The following HSPA12A variants were observed in gnomAD, a reference collection of about 807,000 sequenced individuals.
The protein encoded by HSPA12A is heat shock 70 kDa protein 12A.
In HSPA12A, 28 loss-of-function variants were observed where a neutral mutation model predicts 69.2. The ratio of observed to expected loss-of-function variants is 0.40; its 90% CI spans 0.30 to 0.55. The LOEUF (loss-of-function observed/expected upper bound fraction) is 0.55, where lower values mean the gene tolerates loss of function less well. Among genes scored for constraint, HSPA12A ranks in the 20% least tolerant of loss-of-function variants. The pLI is 0.38. For missense variants in HSPA12A, 686 were observed against 900.7 expected (o/e 0.76, Z 3.05); for synonymous variants, 345 against 370.5 (o/e 0.93, Z 0.79).
At chr10:116,726,899 G>A (rs1474983689) in intron 1 of HSPA12A, among the ~76,000 whole-genome samples, 3 of 152,142 alleles carry the variant, frequency 2.0e-5, no homozygotes, top group Admixed American at 6.5e-5. Flanking sequence ...TGCCGATGAC[G>A]GATGAAGACC....
At chr10:116,769,317 G>A (rs1342330422) in intron 2 of HSPA12A, among the ~76,000 whole-genome samples, 1 of 152,172 alleles carries the variant, frequency 6.6e-6, no homozygotes, top group East Asian at 1.9e-4. Context: ...CCTTGCTATG[G>A]TGTCATCACC....
intron 2 of HSPA12A, among the ~76,000 whole-genome samples, chr10:116,812,960 C>T (rs557195680): frequency 6.6e-6 from 1 of 152,276 alleles, no homozygotes; most frequent in South Asian, 2.1e-4. Context: ...CTGCCAAGTT[C>T]TGAAACTGTG....
intron 1 of HSPA12A, among the ~76,000 whole-genome samples, chr10:116,719,431 C>T (rs1106596): frequency 0.036 from 5,515 of 152,286 alleles, 362 homozygotes; most frequent in African/African-American, 0.13. Context: ...AACCTCCCTC[C>T]GTCCTTGAGG....
At chr10:116,756,700 A>T (rs1158428685) in intron 2 of HSPA12A, among the ~76,000 whole-genome samples, 4 of 152,232 alleles carry the variant, frequency 2.6e-5, no homozygotes, top group African/African-American at 9.6e-5. Context: ...AGATCTACAT[A>T]GTGGGAGTTC....
intron 6 of HSPA12A, among the ~76,000 whole-genome samples, chr10:116,692,127 C>T (rs1849753327): frequency 6.6e-6 from 1 of 152,214 alleles, no homozygotes; most frequent in Non-Finnish European, 1.5e-5. Flanking sequence ...GGAAACCGAA[C>T]CCAGCTCTTG....
chr10:116,809,903 T>C (rs1378856596), intron 2 of HSPA12A, among the ~76,000 whole-genome samples: 1 of 152,190 alleles, frequency 6.6e-6, no homozygotes, highest in Non-Finnish European at 1.5e-5. Context: ...GGCAGCTACC[T>C]AAAACCTGTC....
chr10:116,697,448 AT>A, intron 5 of HSPA12A, among the ~76,000 whole-genome samples: 1 of 138,060 alleles, frequency 7.2e-6, no homozygotes, highest in Admixed American at 7.4e-5. Context: ...GTCTGGGGGG[AT>A]AGAGGAGGAG....
chr10:116,731,171 T>C (rs1295587221), intron 1 of HSPA12A, among the ~76,000 whole-genome samples: 2 of 152,198 alleles, frequency 1.3e-5, no homozygotes, highest in Non-Finnish European at 2.9e-5. Context: ...ACCATGTTGG[T>C]TGCCCATCTT....
chr10:116,730,441 A>G (rs1210153221), intron 1 of HSPA12A, among the ~76,000 whole-genome samples: 4 of 152,204 alleles, frequency 2.6e-5, no homozygotes, highest in African/African-American at 4.8e-5. Context: ...GTGCCCATCC[A>G]ACACTAGCTC....
At chr10:116,758,702 A>G (rs1464589084) in intron 2 of HSPA12A, among the ~76,000 whole-genome samples, 2 of 151,930 alleles carry the variant, frequency 1.3e-5, no homozygotes, top group African/African-American at 4.8e-5. Flanking sequence ...AAAAGAAATA[A>G]TATATATATA....
At chr10:116,685,889 A>G (rs1319885006) in intron 6 of HSPA12A, among the ~76,000 whole-genome samples, 1 of 152,180 alleles carries the variant, frequency 6.6e-6, no homozygotes, top group African/African-American at 2.4e-5. Context: ...ATAAAACCAG[A>G]TAAGAACCAC....
intron 2 of HSPA12A, among the ~76,000 whole-genome samples, chr10:116,758,701 A>AAT (rs1328952438): frequency 2.0e-5 from 3 of 152,134 alleles, no homozygotes; most frequent in African/African-American, 4.8e-5. Flanking sequence ...AAAAAGAAAT[A>AAT]ATATATATAT....
chr10:116,788,760 A>G (rs1844634673), intron 2 of HSPA12A, among the ~76,000 whole-genome samples: 1 of 152,218 alleles, frequency 6.6e-6, no homozygotes, highest in African/African-American at 2.4e-5. Context: ...TATACGTGTG[A>G]AAATATACCC....
intron 2 of HSPA12A, chr10:116,750,344 G>A: frequency 1.3e-6 from 1 of 746,062 alleles, no homozygotes; most frequent in Non-Finnish European, 2.4e-6. Context: ...TTTGGATGCA[G>A]GCCTTGCCAA....
intron 2 of HSPA12A, among the ~76,000 whole-genome samples, chr10:116,821,767 A>T (rs1315401739): frequency 6.6e-6 from 1 of 152,220 alleles, no homozygotes; most frequent in African/African-American, 2.4e-5. Flanking sequence ...AGGGAGTGGC[A>T]CGGCAAGTCA....
intron 2 of HSPA12A, among the ~76,000 whole-genome samples, chr10:116,807,795 C>T (rs1395909746): frequency 6.6e-6 from 1 of 152,192 alleles, no homozygotes; most frequent in Non-Finnish European, 1.5e-5. Context: ...AAGCTGTAGA[C>T]CAGGCATGGC....
At chr10:116,729,092 C>G (rs1358449168) in intron 1 of HSPA12A, among the ~76,000 whole-genome samples, 6 of 152,208 alleles carry the variant, frequency 3.9e-5, no homozygotes, top group African/African-American at 1.2e-4. Context: ...TGTCTCAGCT[C>G]TCAGTTCTAG....
At chr10:116,700,850 G>C (rs1350776901) in intron 4 of HSPA12A, 93 bp downstream of exon 4, 3 of 1,241,224 alleles carry the variant, frequency 2.4e-6, no homozygotes, top group Non-Finnish European at 3.4e-6. Context: ...AGGGCCCCCT[G>C]GGTTGGGAGG....
chr10:116,823,679 G>C (rs755246648), intron 2 of HSPA12A, among the ~76,000 whole-genome samples: 1 of 152,084 alleles, frequency 6.6e-6, no homozygotes, highest in Non-Finnish European at 1.5e-5. Context: ...ATGGTGCTGG[G>C]ACAACTGGAT....
Sources: gnomAD v4.1 joint callset for allele counts (sites outside exome capture counted in the v4.1 genomes callset) on GRCh38, gnomAD v4.1.1 for gene constraint, MANE v1.5 for transcripts, NCBI Gene and HGNC (gene_info 2026-07-23, HGNC 2026-07-21) for gene names.